EPHB2: variants seen among roughly 807,000 people sequenced by gnomAD.
The protein encoded by EPHB2 is EPH receptor B2, also known as ephrin type-B receptor 2.
In EPHB2, 18 loss-of-function variants were observed where a neutral mutation model predicts 96.4. That is an observed-to-expected ratio of 0.19 (90% CI 0.13 to 0.28). The LOEUF (loss-of-function observed/expected upper bound fraction) is 0.28. EPHB2 is among the 10% of genes least tolerant of loss of function. The probability of loss-of-function intolerance (pLI) is 1.00; values close to 1 mark genes in which losing one functional copy is unlikely to be tolerated. For missense variants in EPHB2, 989 were observed against 1,355.4 expected, an observed-to-expected ratio of 0.73 and a Z score of 4.25; for synonymous variants, 506 against 534.1, an observed-to-expected ratio of 0.95 and a Z score of 0.72.
intron 7 of EPHB2, among the ~76,000 whole-genome samples, chr1:22,894,005 G>A (rs1639472993): frequency 6.6e-6 from 1 of 152,156 alleles, no homozygotes; most frequent in African/African-American, 2.4e-5. Flanking sequence ...AGAGGCTCCT[G>A]GACTCCTAAA....
Position 22,863,092 on chromosome 1 carries a change from T to C in EPHB2, c.867T>C (p.Cys289=), listed in dbSNP as rs760775609. Reference sequence around the variant, plus strand: ...AAGGGGATGAGGCCTGTACCCACTGTCCCATCAACAGCCGGACCACTTCTG... The same window carrying C: ...AAGGGGATGAGGCCTGTACCCACTGCCCCATCAACAGCCGGACCACTTCTG... The part of the protein sequence containing the change: ...ANQGDEACTH[C]PINSRTTSEG... The change falls in exon 4 of 16, where the codon TGT becomes TGC. Residue 289 remains cysteine, a synonymous_variant. Coordinates refer to ENST00000374630, the MANE Select transcript of EPHB2 (RefSeq NM_017449.5). 55 of 1,614,010 alleles carry C rather than the reference T, an allele frequency of 3.4e-5. No homozygotes were observed. The Admixed American group carries it at 9.2e-4, about 27-fold the overall frequency.
chr1:22,790,483 G>T lies in EPHB2; in HGVS notation c.811+5407G>T, dbSNP rs886568438. Among the ~76,000 whole-genome samples, 6 of 152,114 alleles carry T rather than the reference G, an allele frequency of 3.9e-5. No homozygotes were observed. The highest frequency in any genetic ancestry group is 7.4e-5 in the Non-Finnish European group (5 of 68,022). ...AATGCCTTCTTTGCAGCAGCTGCCCGCACCCAAGTCTGTTTCTCTGACTCT... is the reference window on the plus strand; with the variant it reads ...AATGCCTTCTTTGCAGCAGCTGCCCTCACCCAAGTCTGTTTCTCTGACTCT... On this transcript the variant is annotated intron_variant, in intron 3 of 15. Coordinates refer to ENST00000374630, the MANE Select transcript of EPHB2 (RefSeq NM_017449.5). This position sits in a 1 kb window ranked among gnomAD's most constrained non-coding sequence, Gnocchi z 4.0.
chr1:22,762,846 G>A (rs1480833607), intron 1 of EPHB2, among the ~76,000 whole-genome samples: 1 of 152,154 alleles, frequency 6.6e-6, no homozygotes, highest in Non-Finnish European at 1.5e-5. Flanking sequence ...CTCTGCGCTG[G>A]CTGCAGTGGC....
intron 5 of EPHB2, 43 bp from the exon 6 acceptor site, chr1:22,882,316 T>TTC: frequency 6.2e-7 from 1 of 1,610,320 alleles, no homozygotes; most frequent in Non-Finnish European, 8.5e-7. Context: ...AAGCTGCACC[T>TTC]TCTCATGCCT....
chr1:22,763,573 G>A (rs1026848734), intron 1 of EPHB2, among the ~76,000 whole-genome samples: 33 of 152,268 alleles, frequency 2.2e-4, no homozygotes, highest in African/African-American at 7.9e-4. Context: ...GGGTCTGGGT[G>A]GTTTCTCAGC....
In EPHB2 at chr1:22,854,287, G is replaced by C. The variant is rs576181195; in HGVS notation, c.812-8750G>C. Among the ~76,000 whole-genome samples, 7 of 152,240 alleles carry C rather than the reference G, an allele frequency of 4.6e-5. 1 individual carries two copies. The highest frequency in any genetic ancestry group is 1.7e-4 in the African/African-American group (7 of 41,542). Reference sequence around the variant, plus strand: ...GCACTTAGGGAGGTCAGGGTAGGAGGATCACTTGAGCCCAAGAGTTCAAGA... The same window carrying C: ...GCACTTAGGGAGGTCAGGGTAGGAGCATCACTTGAGCCCAAGAGTTCAAGA... On this transcript the variant is annotated intron_variant, in intron 3 of 15. Transcript: ENST00000374630.
intron 3 of EPHB2, among the ~76,000 whole-genome samples, chr1:22,849,832 G>A (rs1215085057): frequency 6.6e-6 from 1 of 152,176 alleles, no homozygotes; most frequent in Non-Finnish European, 1.5e-5. Context: ...AAAAAAAACT[G>A]CCCTGCACAG....
chr1:22,907,273 G>A (rs534680631), intron 11 of EPHB2, among the ~76,000 whole-genome samples: 185 of 152,276 alleles, frequency 1.2e-3, no homozygotes, highest in Non-Finnish European at 1.9e-3. Flanking sequence ...TTCTCATTAT[G>A]CACAGGAGAA....
intron 3 of EPHB2, among the ~76,000 whole-genome samples, chr1:22,797,845 C>T (rs770922132): frequency 3.3e-5 from 5 of 152,150 alleles, no homozygotes; most frequent in Non-Finnish European, 5.9e-5. Context: ...GGCACTCTGA[C>T]CTCCTTCTGC....
At chr1:22,811,170 C>CCGAGG (rs1336661282) in intron 3 of EPHB2, among the ~76,000 whole-genome samples, 1 of 152,108 alleles carries the variant, frequency 6.6e-6, no homozygotes, top group East Asian at 1.9e-4. Context: ...ATCTCCGAGG[C>CCGAGG]CCCCAATCCC....
intron 3 of EPHB2, among the ~76,000 whole-genome samples, chr1:22,827,281 C>T (rs1645238566): frequency 6.6e-6 from 1 of 152,202 alleles, no homozygotes; most frequent in Non-Finnish European, 1.5e-5. Flanking sequence ...AGGCCCAGGT[C>T]CTCTCTTTTG....
At chr1:22,763,106 G>A (rs1644257613) in intron 1 of EPHB2, among the ~76,000 whole-genome samples, 1 of 152,180 alleles carries the variant, frequency 6.6e-6, no homozygotes, top group Non-Finnish European at 1.5e-5. Context: ...GGATCTGAGT[G>A]GTCTGAGAGT....
chr1:22,910,263 GT>G, intron 13 of EPHB2, 118 bp from the exon 14 acceptor site: 1 of 1,332,816 alleles, frequency 7.5e-7, no homozygotes. Context: ...GGTGAAAGTG[GT>G]TGCCACAGCA....
At chr1:22,814,081 AG>A in intron 3 of EPHB2, among the ~76,000 whole-genome samples, 1 of 152,254 alleles carries the variant, frequency 6.6e-6, no homozygotes, top group South Asian at 2.1e-4. Flanking sequence ...CTGAGGCAGG[AG>A]ACTCTTGAAC....
intron 3 of EPHB2, among the ~76,000 whole-genome samples, chr1:22,839,364 C>T (rs1297850052): frequency 6.6e-6 from 1 of 152,234 alleles, no homozygotes; most frequent in East Asian, 1.9e-4. Context: ...CAGGGTCTTT[C>T]ACTCACTCTG....
intron 1 of EPHB2, among the ~76,000 whole-genome samples, chr1:22,780,931 C>T (rs896375003): frequency 6.6e-6 from 1 of 151,802 alleles, no homozygotes; most frequent in African/African-American, 2.4e-5. Context: ...AGTAGAGAGG[C>T]GGAGTCTAAA....
intron 3 of EPHB2, among the ~76,000 whole-genome samples, chr1:22,859,707 C>T (rs1451962260): frequency 1.3e-5 from 2 of 152,038 alleles, no homozygotes; most frequent in African/African-American, 2.4e-5. Flanking sequence ...GCAGGAGAAT[C>T]GCTTGAACCC....
chr1:22,869,819 T>C (rs962160392), intron 5 of EPHB2, among the ~76,000 whole-genome samples: 1 of 152,222 alleles, frequency 6.6e-6, no homozygotes, highest in African/African-American at 2.4e-5. Context: ...CATGGCCTTC[T>C]AGTTCCCGTG....
intron 1 of EPHB2, among the ~76,000 whole-genome samples, chr1:22,778,005 CGTTT>C (rs140306701): frequency 1.3e-4 from 19 of 151,828 alleles, no homozygotes; most frequent in South Asian, 4.2e-4. Flanking sequence ...AATAAAGGTC[CGTTT>C]GTTTGTTTGT....
Sources: gnomAD v4.1 joint callset for allele counts (sites outside exome capture counted in the v4.1 genomes callset) on GRCh38, gnomAD v4.1.1 for gene constraint, Gnocchi (gnomAD v3.1) non-coding constraint, MANE v1.5 for transcripts, NCBI Gene and HGNC (gene_info 2026-07-23, HGNC 2026-07-21) for gene names.